The following ZBTB40 variants were observed in gnomAD, a reference collection of about 807,000 sequenced individuals.
ZBTB40 encodes the protein zinc finger and BTB domain-containing protein 40.
A neutral mutation model predicts 117.5 loss-of-function variants in ZBTB40; 60 were observed. The observed-to-expected ratio is 0.51, with a 90% CI of 0.41 to 0.63. ZBTB40 has a LOEUF of 0.63. Ranked by LOEUF, ZBTB40 falls within the 30% of genes least tolerant of loss-of-function variation. The pLI is 0.00. For missense variants in ZBTB40, 1,287 were observed against 1,498.5 expected (o/e 0.86, Z 2.33); for synonymous variants, 525 against 577.1 (o/e 0.91, Z 1.29).
chr1:22,492,448 T>C (rs905260838), intron 3 of ZBTB40, among the ~76,000 whole-genome samples: 1 of 152,204 alleles, frequency 6.6e-6, no homozygotes, highest in African/African-American at 2.4e-5. Flanking sequence ...AATTTAGAAT[T>C]CCATTTATTT....
chr1:22,499,668 T>G (rs185682598), intron 3 of ZBTB40, among the ~76,000 whole-genome samples: 1 of 152,370 alleles, frequency 6.6e-6, no homozygotes, highest in African/African-American at 2.4e-5. Flanking sequence ...ATGTGTACTT[T>G]TGGAGATGAC....
Position 22,464,881 on chromosome 1 carries a change from A to G in ZBTB40, c.-70+12877A>G, listed in dbSNP as rs573603996. On this transcript the variant is annotated intron_variant, in intron 1 of 17. Coordinates refer to ENST00000375647, the MANE Select transcript of ZBTB40 (RefSeq NM_014870.4). ...CTTTTTTTCCCCCACAAAAGTATTT[A>G]TATGTAATTTACATACCATAGAATT... Among the ~76,000 whole-genome samples, 22 of 152,308 alleles carry G rather than the reference A, an allele frequency of 1.4e-4. No individual in the cohort carries two copies. In the East Asian group the frequency reaches 3.5e-3, roughly 24 times the overall value.
At chr1:22,459,372 A>G (rs1241448741) in intron 1 of ZBTB40, among the ~76,000 whole-genome samples, 5 of 152,316 alleles carry the variant, frequency 3.3e-5, no homozygotes, top group African/African-American at 1.2e-4. Flanking sequence ...ATCCATTTGA[A>G]ATTTATCTTA....
chr1:22,460,961 GTCTT>G (rs1641118333), intron 1 of ZBTB40, among the ~76,000 whole-genome samples: 1 of 152,060 alleles, frequency 6.6e-6, no homozygotes, highest in Admixed American at 6.5e-5. Flanking sequence ...TTCTCACTCT[GTCTT>G]CTATTTCTCT....
At chr1:22,453,699 G>A (rs1469142417) in intron 1 of ZBTB40, among the ~76,000 whole-genome samples, 2 of 152,146 alleles carry the variant, frequency 1.3e-5, no homozygotes, top group Non-Finnish European at 2.9e-5. Flanking sequence ...AACTCACGTC[G>A]GAGAGATGTT....
Position 22,511,814 on chromosome 1 carries a change from C to A in ZBTB40, c.2141C>A (p.Thr714Asn). Residue 714 changes from threonine (T) to asparagine (N), a missense_variant, in exon 11 of 18, where the codon ACT becomes AAT. This residue lies in a region of ZBTB40 where 870 missense variants were observed against 934.4 expected (regional missense o/e 0.93). Coordinates refer to ENST00000375647, the MANE Select transcript of ZBTB40 (RefSeq NM_014870.4). The part of the protein sequence containing the change: ...QPGEQNDQGE[T>N]GSLPGQQEKE... ...GGGGAACAGAATGATCAAGGAGAGA[C>A]TGGTTCCTTGCCAGGACAGCAAGAG... The A allele has an allele frequency of 1.2e-6, 2 of 1,614,150 alleles. No homozygotes were observed. Among genetic ancestry groups the A allele is most frequent in the Non-Finnish European group, 1.7e-6 (2 of 1,180,022 alleles).
At chr1:22,507,886 G>C (rs1047823565) in intron 6 of ZBTB40, 115 bp from the exon 7 acceptor site, 11 of 1,477,706 alleles carry the variant, frequency 7.4e-6, no homozygotes, top group Non-Finnish European at 1.0e-5. Flanking sequence ...GCTCTGCAGA[G>C]GACACTGAGC....
rs1639239734 is a variant in ZBTB40, at chr1:22,511,686, TA to T, written c.2015del (p.Lys672ArgfsTer11). 6.2e-7 allele frequency: 1 copy of T among 1,610,730 alleles called. No individual in the cohort carries two copies. The highest frequency in any genetic ancestry group is 8.5e-7 in the Non-Finnish European group (1 of 1,179,166). ...GTCTCTTTTATGCAGGTGTCCTTAC[TA>T]AGGAAGATGGAGAGAAGGAAACGTG... ...QELAYIGVLTKEDGEKETWKV... is the reference protein window; with the variant it reads ...QELAYIGVLTXEDGEKETWKV... On this transcript the variant is annotated frameshift_variant, in exon 11 of 18. Transcript: ENST00000375647. LOFTEE classifies it high-confidence loss of function.
intron 1 of ZBTB40, among the ~76,000 whole-genome samples, chr1:22,435,934 G>A (rs1369222129): frequency 3.9e-5 from 6 of 151,920 alleles, no homozygotes; most frequent in South Asian, 2.1e-4. Context: ...AAAATTAGCC[G>A]GGCATGGTGG....
At chr1:22,471,335 G>T (rs1641398922) in intron 1 of ZBTB40, among the ~76,000 whole-genome samples, 12 of 152,234 alleles carry the variant, frequency 7.9e-5, no homozygotes, top group Admixed American at 7.9e-4. Flanking sequence ...GCCTGTGAGG[G>T]ATTGGGGAAT....
At chr1:22,431,384 GTATA>G (rs59021263) in intron 1 of ZBTB40, among the ~76,000 whole-genome samples, 7,843 of 119,450 alleles carry the variant, frequency 0.066, 365 homozygotes, top group East Asian at 0.2. Flanking sequence ...GTGTGTGTGT[GTATA>G]TATATATATA....
intron 5 of ZBTB40, 78 bp from the exon 6 acceptor site, chr1:22,505,971 G>T (rs527557523): frequency 1.3e-6 from 2 of 1,488,122 alleles, no homozygotes; most frequent in Non-Finnish European, 9.4e-7. Context: ...ATGCTATCTT[G>T]CTAGGTTTTC....
intron 1 of ZBTB40, among the ~76,000 whole-genome samples, chr1:22,484,653 C>G (rs1431245327): frequency 6.6e-6 from 1 of 152,160 alleles, no homozygotes; most frequent in African/African-American, 2.4e-5. Flanking sequence ...TGTCTTGTTG[C>G]ATTAGCTAGG....
chr1:22,505,881 A>T (rs922666542), intron 5 of ZBTB40, among the ~76,000 whole-genome samples, 168 bp from the exon 6 acceptor site: 3 of 152,248 alleles, frequency 2.0e-5, no homozygotes, highest in African/African-American at 7.2e-5. Context: ...ATTTTTATTG[A>T]AACAGAATAA....
chr1:22,523,619 G>A (rs957275746), intron 16 of ZBTB40, among the ~76,000 whole-genome samples: 2 of 152,196 alleles, frequency 1.3e-5, no homozygotes, highest in Non-Finnish European at 2.9e-5. Context: ...GTCTACTTTT[G>A]ATTCCTGCTT....
chr1:22,486,631 G>A (rs756510661), intron 1 of ZBTB40, among the ~76,000 whole-genome samples: 1 of 152,192 alleles, frequency 6.6e-6, no homozygotes, highest in African/African-American at 2.4e-5. Flanking sequence ...TCAGAGTTGT[G>A]CACACTGAGC....
At chr1:22,499,912 C>T (rs1457310636) in intron 3 of ZBTB40, among the ~76,000 whole-genome samples, 2 of 152,194 alleles carry the variant, frequency 1.3e-5, no homozygotes, top group East Asian at 1.9e-4. Flanking sequence ...ATACAGTATT[C>T]ATGAGCTCCT....
At chr1:22,453,695 C>A (rs958855358) in intron 1 of ZBTB40, among the ~76,000 whole-genome samples, 1 of 152,184 alleles carries the variant, frequency 6.6e-6, no homozygotes, top group Admixed American at 6.5e-5. Context: ...AACAAACTCA[C>A]GTCGGAGAGA....
intron 1 of ZBTB40, among the ~76,000 whole-genome samples, chr1:22,488,469 G>A (rs987655310): frequency 6.6e-6 from 1 of 152,166 alleles, no homozygotes; most frequent in Admixed American, 6.5e-5. Context: ...TGAGCAAAGG[G>A]CTGGTAGAAA....
Sources: gnomAD v4.1 joint callset for allele counts (sites outside exome capture counted in the v4.1 genomes callset) on GRCh38, gnomAD v4.1.1 for gene constraint, gnomAD v4.1.1 regional missense constraint, MANE v1.5 for transcripts, NCBI Gene and HGNC (gene_info 2026-07-23, HGNC 2026-07-21) for gene names.